Variants in MAGI1 observed in about 807,000 individuals in gnomAD.
MAGI1 encodes membrane-associated guanylate kinase, WW and PDZ domain-containing protein 1.
A neutral mutation model predicts 139.9 loss-of-function variants in MAGI1; 58 were observed. The ratio of observed to expected loss-of-function variants is 0.41; its 90% CI spans 0.34 to 0.52. MAGI1 has a LOEUF of 0.52. Ranked by LOEUF, MAGI1 falls within the 20% of genes least tolerant of loss-of-function variation. MAGI1 has a pLI of 0.12. For synonymous variants in MAGI1, 812 were observed against 737.9 expected, an observed-to-expected ratio of 1.10 and a Z score of -1.63; for missense variants, 1,874 against 1,901.6, an observed-to-expected ratio of 0.99 and a Z score of 0.27.
rs1157439451 is a variant in MAGI1 at position 65,595,151 on chromosome 3, T to C, written c.430+26821A>G. On this transcript the variant is annotated intron_variant, in intron 2 of 22. Coordinates refer to ENST00000402939, the MANE Select transcript of MAGI1 (RefSeq NM_001033057.2). ...TTCCACTCCTCTACCCCCATCCATA[T>C]GCCAAGAATGAATAGAAAACAAGGG... 3.9e-5 allele frequency among the ~76,000 whole-genome samples: 6 copies of C among 152,204 alleles called. No homozygotes were observed. The East Asian group carries it at 9.6e-4, about 24-fold the overall frequency.
chr3:66,021,643 C>T (rs978544447), intron 1 of MAGI1, among the ~76,000 whole-genome samples: 2 of 152,142 alleles, frequency 1.3e-5, no homozygotes, highest in African/African-American at 4.8e-5. Context: ...ACTGGATTCA[C>T]AGAGTCCACA....
intron 1 of MAGI1, among the ~76,000 whole-genome samples, chr3:65,695,008 A>C (rs1434779834): frequency 1.3e-5 from 2 of 152,202 alleles, no homozygotes; most frequent in Non-Finnish European, 2.9e-5. Context: ...GCTCAAGGGA[A>C]TATTTAGTAA....
At chr3:65,873,466 A>T (rs1011747857) in intron 1 of MAGI1, 2 of 152,162 alleles carry the variant, frequency 1.3e-5, no homozygotes, top group African/African-American at 4.8e-5. Context: ...ACATTATGGC[A>T]CTTTGGTTCT....
intron 10 of MAGI1, among the ~76,000 whole-genome samples, chr3:65,433,463 T>C (rs1947608106): frequency 6.6e-6 from 1 of 152,196 alleles, no homozygotes; most frequent in African/African-American, 2.4e-5. Context: ...TTCACATTTA[T>C]GCACATTTTA....
intron 1 of MAGI1, among the ~76,000 whole-genome samples, chr3:65,796,510 T>C (rs1026080850): frequency 1.3e-5 from 2 of 152,070 alleles, no homozygotes; most frequent in African/African-American, 4.8e-5. Flanking sequence ...AAGCAGAAAA[T>C]ATGAGGGGAA....
intron 2 of MAGI1, among the ~76,000 whole-genome samples, chr3:65,530,921 G>A (rs1370276610): frequency 6.7e-6 from 1 of 148,940 alleles, no homozygotes; most frequent in Non-Finnish European, 1.5e-5. Flanking sequence ...CCCAGTGTTG[G>A]AATCCGCATT....
At chr3:66,010,789 C>T (rs1005172355) in intron 1 of MAGI1, among the ~76,000 whole-genome samples, 1 of 152,204 alleles carries the variant, frequency 6.6e-6, no homozygotes, top group Non-Finnish European at 1.5e-5. Flanking sequence ...GCACACCACT[C>T]ACTACCAACT....
At chr3:65,477,870 C>T (rs1950996491) in intron 4 of MAGI1, among the ~76,000 whole-genome samples, 1 of 151,602 alleles carries the variant, frequency 6.6e-6, no homozygotes, top group Non-Finnish European at 1.5e-5. Flanking sequence ...AGTACTCAGC[C>T]TGTATGGCCT....
intron 1 of MAGI1, among the ~76,000 whole-genome samples, chr3:65,879,577 G>T (rs747287658): frequency 6.6e-6 from 1 of 152,116 alleles, no homozygotes; most frequent in Non-Finnish European, 1.5e-5. Flanking sequence ...TGTGCTGGCT[G>T]TGTGTTCTCA....
intron 1 of MAGI1, among the ~76,000 whole-genome samples, chr3:65,851,650 G>A (rs2059207461): frequency 6.6e-6 from 1 of 152,134 alleles, no homozygotes; most frequent in Admixed American, 6.5e-5. Flanking sequence ...TCAGGAGGCT[G>A]AGGTAGGAGA....
chr3:65,885,042 T>C (rs1414147891), intron 1 of MAGI1, among the ~76,000 whole-genome samples: 2 of 151,884 alleles, frequency 1.3e-5, no homozygotes, highest in Admixed American at 1.3e-4. Context: ...ACCTAAATAT[T>C]CAACAAAAAA....
At chr3:65,867,586 T>C (rs774676408) in intron 1 of MAGI1, among the ~76,000 whole-genome samples, 1 of 152,046 alleles carries the variant, frequency 6.6e-6, no homozygotes, top group Non-Finnish European at 1.5e-5. Context: ...TAATTAAAAA[T>C]TAGCCAGGTA....
intron 1 of MAGI1, among the ~76,000 whole-genome samples, chr3:65,661,749 T>TG (rs1225666222): frequency 1.5e-5 from 2 of 134,864 alleles, no homozygotes; most frequent in African/African-American, 2.9e-5. Context: ...TTTTCTGTTT[T>TG]TTTTTTTTTT....
At chr3:65,458,913 T>C (rs1425972266) in intron 5 of MAGI1, among the ~76,000 whole-genome samples, 1 of 152,216 alleles carries the variant, frequency 6.6e-6, no homozygotes, top group East Asian at 1.9e-4. Context: ...CAATGTTTTG[T>C]TTCGGTAGTT....
At chr3:65,611,983 T>G (rs1168573395) in intron 2 of MAGI1, among the ~76,000 whole-genome samples, 1 of 152,068 alleles carries the variant, frequency 6.6e-6, no homozygotes, top group Non-Finnish European at 1.5e-5. Context: ...AAACTTGGTA[T>G]TCTGTAAGTG....
At chr3:65,536,268 C>G (rs2078955391) in intron 2 of MAGI1, among the ~76,000 whole-genome samples, 1 of 152,136 alleles carries the variant, frequency 6.6e-6, no homozygotes, top group Non-Finnish European at 1.5e-5. Flanking sequence ...TGTATAATAA[C>G]TCCTAGCATA....
At chr3:65,659,918 T>A (rs1185531250) in intron 1 of MAGI1, among the ~76,000 whole-genome samples, 1 of 152,080 alleles carries the variant, frequency 6.6e-6, no homozygotes, top group Non-Finnish European at 1.5e-5. Context: ...TTGGTTACAA[T>A]CTCTCTGTGC....
At chr3:65,357,596 G>A (rs1428993995) in intron 22 of MAGI1, among the ~76,000 whole-genome samples, 1 of 151,132 alleles carries the variant, frequency 6.6e-6, no homozygotes, top group South Asian at 2.1e-4. Context: ...ATAATTTAGG[G>A]TATTGATGTG....
At chr3:65,796,550 T>G (rs1255773552) in intron 1 of MAGI1, among the ~76,000 whole-genome samples, 1 of 152,162 alleles carries the variant, frequency 6.6e-6, no homozygotes, top group African/African-American at 2.4e-5. Flanking sequence ...CAGCGGTTGG[T>G]CTCTGACATC....
Sources: allele counts gnomAD v4.1 joint callset (sites outside exome capture counted in the v4.1 genomes callset), GRCh38; gene constraint gnomAD v4.1.1; transcripts MANE v1.5; gene names NCBI Gene and HGNC (gene_info 2026-07-23, HGNC 2026-07-21).